SYNJ2: variants seen among roughly 807,000 people sequenced by gnomAD.
The protein encoded by SYNJ2 is polyphosphatidylinositol phosphatase SYNJ2.
SYNJ2 carries 116 observed loss-of-function variants against 141.3 expected under a neutral mutation model. The observed-to-expected ratio is 0.82, with a 90% confidence interval of 0.71 to 0.96. The LOEUF (loss-of-function observed/expected upper bound fraction) is 0.96, where lower values mean the gene tolerates loss of function less well. SYNJ2 is among the 40% of genes least tolerant of loss of function. The pLI is 0.00. For synonymous variants in SYNJ2, 745 were observed against 777.7 expected, an observed-to-expected ratio of 0.96 and a Z score of 0.70; for missense variants, 1,873 against 1,934.8, an observed-to-expected ratio of 0.97 and a Z score of 0.60.
chr6:158,091,147 C>T (rs542539305), intron 25 of SYNJ2, among the ~76,000 whole-genome samples: 23 of 150,928 alleles, frequency 1.5e-4, no homozygotes, highest in African/African-American at 4.6e-4. Flanking sequence ...GAAACCCCGT[C>T]TCTACTAAAA....
At chr6:157,988,915 A>G (rs1246565407) in intron 1 of SYNJ2, among the ~76,000 whole-genome samples, 1 of 152,166 alleles carries the variant, frequency 6.6e-6, no homozygotes, top group Non-Finnish European at 1.5e-5. Context: ...GTCCACCTTC[A>G]AAGTCCATAC....
At chr6:158,092,870 T>A in intron 25 of SYNJ2, 56 bp from the exon 26 acceptor site, 1 of 1,482,880 alleles carries the variant, frequency 6.7e-7, no homozygotes, top group Non-Finnish European at 9.1e-7. Context: ...AAGGACGAAA[T>A]CATGCAGTGA....
chr6:158,037,720 C>T (rs989741149), intron 4 of SYNJ2, among the ~76,000 whole-genome samples: 5 of 152,108 alleles, frequency 3.3e-5, no homozygotes, highest in African/African-American at 1.2e-4. Context: ...TCATCTTAAC[C>T]CATTACTTCT....
chr6:158,017,276 T>C lies in SYNJ2; in HGVS notation c.200T>C (p.Leu67Pro), dbSNP rs1404380385. 6.2e-7 allele frequency: 1 copy of C among 1,613,464 alleles called. No homozygotes were observed. The highest frequency in any genetic ancestry group is 1.1e-5 in the South Asian group (1 of 91,006). Residue 67 changes from leucine to proline, a missense_variant, in exon 2 of 27, where the codon CTG (leucine) becomes CCG (proline). By Grantham distance (98) the Leu-to-Pro change is moderately conservative. Transcript: ENST00000355585. ...GACGCGTACGGCTGCCTGGGGGAGC[T>C]GAGGCTGAAATCTGGTGAGTAGCCG... ...LTDAYGCLGE[L>P]RLKSGGTSLS... is the part of the protein sequence containing the mutation.
chr6:158,093,760 TTG>T (rs1350005103), intron 26 of SYNJ2: 3 of 667,204 alleles, frequency 4.5e-6, no homozygotes, highest in Admixed American at 2.2e-5. Context: ...GTGGTCTGTG[TTG>T]TGTGCACATG....
chr6:157,994,252 C>T (rs1321827635), intron 1 of SYNJ2, among the ~76,000 whole-genome samples: 2 of 152,140 alleles, frequency 1.3e-5, no homozygotes, highest in East Asian at 3.9e-4. Flanking sequence ...GAGGAGGTGA[C>T]CGTTCTCTGC....
chr6:158,016,322 C>T (rs1158436327), intron 1 of SYNJ2, among the ~76,000 whole-genome samples: 1 of 152,176 alleles, frequency 6.6e-6, no homozygotes, highest in African/African-American at 2.4e-5. Flanking sequence ...CCACGTTGCC[C>T]AGGCTGGTCT....
chr6:158,070,462 G>A lies in SYNJ2; in HGVS notation c.1940+789G>A. ...TGTTTAGGTCCCTGTCCCTCTGCTT[G>A]TGTTATTTGGGCAGCTTGGCAGTGT... On this transcript the variant is annotated intron_variant, in intron 14 of 26. Coordinates refer to ENST00000355585, the MANE Select transcript of SYNJ2 (RefSeq NM_003898.4). This position sits in a 1 kb window ranked among gnomAD's most constrained non-coding sequence, Gnocchi z 4.0. 1.0e-6 allele frequency: 1 copy of A among 985,488 alleles called. No individual in the cohort carries two copies. Among genetic ancestry groups the A allele is most frequent in the South Asian group, 4.7e-5 (1 of 21,290 alleles). 61.0% of individuals were successfully genotyped at this position (985,488 alleles called of 1,614,324 possible). A position where few individuals can be genotyped will look rare whatever the true frequency, so the allele number is the denominator to read the frequency against.
At chr6:158,033,111 C>T (rs982905768) in intron 3 of SYNJ2, among the ~76,000 whole-genome samples, 2 of 152,196 alleles carry the variant, frequency 1.3e-5, no homozygotes, top group Non-Finnish European at 1.5e-5. Flanking sequence ...ACAGGGCTAA[C>T]CAGAGGCCCC....
chr6:158,035,396 C>T (rs1296743661), intron 4 of SYNJ2, among the ~76,000 whole-genome samples: 1 of 152,118 alleles, frequency 6.6e-6, no homozygotes, highest in Non-Finnish European at 1.5e-5. Context: ...CTTTCACCTC[C>T]CTCATAAACT....
intron 1 of SYNJ2, among the ~76,000 whole-genome samples, chr6:157,985,031 T>A (rs944363212): frequency 6.6e-6 from 1 of 152,234 alleles, no homozygotes; most frequent in African/African-American, 2.4e-5. Context: ...ATGAGGGGAC[T>A]GGGCCTGATG....
chr6:158,023,588 C>T (rs1778888763), intron 2 of SYNJ2, among the ~76,000 whole-genome samples: 1 of 152,178 alleles, frequency 6.6e-6, no homozygotes, highest in African/African-American at 2.4e-5. Flanking sequence ...CATGGAGCAC[C>T]TGTGATGGAG....
chr6:158,089,535 T>G (rs1353022562), intron 24 of SYNJ2, among the ~76,000 whole-genome samples: 1 of 151,672 alleles, frequency 6.6e-6, no homozygotes, highest in Non-Finnish European at 1.5e-5. Context: ...AAGAGTGGCC[T>G]CTTATTTTGC....
chr6:158,074,622 G>T lies in SYNJ2; in HGVS notation c.2176G>T (p.Asp726Tyr), dbSNP rs200377876. The change falls in exon 16 of 27, where the codon GAT (aspartate) becomes TAT (tyrosine). Residue 726 changes from aspartate (D) to tyrosine (Y), a missense_variant. By Grantham distance (160) the Asp-to-Tyr change is radical. Coordinates refer to ENST00000355585, the MANE Select transcript of SYNJ2 (RefSeq NM_003898.4). The part of the protein sequence containing the change: ...FSHDYVFWCG[D>Y]FNYRIDLTYE... ...TCATGATTATGTATTTTGGTGTGGCGATTTCAACTACCGCATTGATCTTAC... is the reference window on the plus strand; with the variant it reads ...TCATGATTATGTATTTTGGTGTGGCTATTTCAACTACCGCATTGATCTTAC... The T allele has an allele frequency of 6.2e-7, 1 of 1,613,614 alleles. No homozygotes were observed.
chr6:157,998,929 T>C (rs895388473), intron 1 of SYNJ2, among the ~76,000 whole-genome samples: 1 of 152,156 alleles, frequency 6.6e-6, no homozygotes, highest in Non-Finnish European at 1.5e-5. Flanking sequence ...GTCCGAATGA[T>C]AGATTTGACT....
chr6:158,000,661 C>T (rs1258501384), intron 1 of SYNJ2, among the ~76,000 whole-genome samples: 1 of 152,038 alleles, frequency 6.6e-6, no homozygotes, highest in East Asian at 1.9e-4. Context: ...TCCCCGCCGA[C>T]CCCCTAGCCT....
At chr6:158,057,306 G>A (rs1293534734) in intron 6 of SYNJ2, among the ~76,000 whole-genome samples, 2 of 152,112 alleles carry the variant, frequency 1.3e-5, no homozygotes, top group Non-Finnish European at 2.9e-5. Flanking sequence ...TGGTGCCAGC[G>A]TCCCCTTACA....
At chr6:158,051,099 T>A (rs1048463714) in intron 5 of SYNJ2, among the ~76,000 whole-genome samples, 2 of 152,110 alleles carry the variant, frequency 1.3e-5, no homozygotes, top group Non-Finnish European at 2.9e-5. Flanking sequence ...GGCTTTGGGT[T>A]ATGACTCAGG....
chr6:157,992,401 C>CTTTTTTTTT (rs57905567), intron 1 of SYNJ2, among the ~76,000 whole-genome samples: 21 of 120,336 alleles, frequency 1.7e-4, no homozygotes, highest in Middle Eastern at 5.1e-3. Context: ...TGGCTTGTTT[C>CTTTTTTTTT]TTTTTTTTTT....
Sources: gnomAD v4.1 joint callset for allele counts (sites outside exome capture counted in the v4.1 genomes callset) on GRCh38, gnomAD v4.1.1 for gene constraint, Gnocchi (gnomAD v3.1) non-coding constraint, MANE v1.5 for transcripts, NCBI Gene and HGNC (gene_info 2026-07-23, HGNC 2026-07-21) for gene names.